GDAP1: variants seen among roughly 807,000 people sequenced by gnomAD.
GDAP1 encodes the protein ganglioside induced differentiation associated protein 1.
GDAP1 carries 34 observed loss-of-function variants against 40.1 expected under a neutral mutation model. That is an observed-to-expected ratio of 0.85 (90% CI 0.64 to 1.13). The LOEUF (loss-of-function observed/expected upper bound fraction) is 1.13, where lower values mean the gene tolerates loss of function less well. Ranked by LOEUF, GDAP1 falls within the 50% of genes most tolerant of loss-of-function variation. The probability of loss-of-function intolerance (pLI) is 0.00; values close to 1 mark genes in which losing one functional copy is unlikely to be tolerated. For missense variants in GDAP1, 374 were observed against 433.7 expected, an observed-to-expected ratio of 0.86 and a Z score of 1.22; for synonymous variants, 170 against 157.4, an observed-to-expected ratio of 1.08 and a Z score of -0.60.
At position 74,403,118 on chromosome 8, in the gene GDAP1, A is replaced by G. The variant is rs1357686650; in HGVS notation, c.165+51797A>G. ...TGATGTTAAAATAAGCTAATTTTAT[A>G]TCTCGCAGTGATGGGAGAGTCATTC... On this transcript the variant is annotated intron_variant, in intron 2 of 2. Coordinates refer to the GDAP1 transcript ENST00000523640. Among the ~76,000 whole-genome samples, 7 of 150,202 alleles carry G rather than the reference A, an allele frequency of 4.7e-5. 1 individual carries two copies. The highest frequency in any genetic ancestry group is 1.8e-4 in the African/African-American group (7 of 39,496).
intron 2 of GDAP1, among the ~76,000 whole-genome samples, chr8:74,379,265 A>G (rs1809911042): frequency 6.6e-6 from 1 of 151,324 alleles, no homozygotes; most frequent in South Asian, 2.1e-4. Flanking sequence ...GGAAGGGCCA[A>G]GTAGAGGCCA....
intron 2 of GDAP1, among the ~76,000 whole-genome samples, chr8:74,469,306 A>G (rs956958858): frequency 6.6e-6 from 1 of 152,080 alleles, no homozygotes; most frequent in Non-Finnish European, 1.5e-5. Context: ...TTCCTTTTTA[A>G]TGCTCTGAAA....
chr8:74,463,640 T>C (rs1806431229), intron 2 of GDAP1, among the ~76,000 whole-genome samples: 1 of 152,118 alleles, frequency 6.6e-6, no homozygotes, highest in African/African-American at 2.4e-5. Context: ...TCTAATTTAA[T>C]AGAAATAAGT....
intron 2 of GDAP1, among the ~76,000 whole-genome samples, chr8:74,393,922 CCT>C (rs1242243469): frequency 6.6e-6 from 1 of 152,052 alleles, no homozygotes; most frequent in African/African-American, 2.4e-5. Context: ...TCTATTTTCC[CCT>C]GTTTTATACC....
chr8:74,463,219 T>TCACGA (rs1806423968), intron 2 of GDAP1, among the ~76,000 whole-genome samples: 1 of 142,018 alleles, frequency 7.0e-6, no homozygotes, highest in African/African-American at 2.7e-5. Flanking sequence ...TGGGAGGCCA[T>TCACGA]GGTAGAAGGA....
At chr8:74,448,925 G>A (rs921934554) in intron 2 of GDAP1, among the ~76,000 whole-genome samples, 22 of 151,974 alleles carry the variant, frequency 1.4e-4, no homozygotes, top group Non-Finnish European at 2.8e-4. Flanking sequence ...CAATTAAAAA[G>A]TGTTCAGTGC....
intron 1 of GDAP1, 117 bp from the exon 2 acceptor site, chr8:74,351,157 G>T: frequency 1.2e-6 from 1 of 815,938 alleles, no homozygotes; most frequent in South Asian, 1.4e-5. Context: ...TTGTTAAAAC[G>T]ACTGTTGAAA....
chr8:74,400,174 T>G (rs1278672486), intron 2 of GDAP1, among the ~76,000 whole-genome samples: 1 of 149,720 alleles, frequency 6.7e-6, no homozygotes, highest in East Asian at 1.9e-4. Flanking sequence ...ATGATTATTG[T>G]GTGGGAGTCT....
intron 2 of GDAP1, among the ~76,000 whole-genome samples, chr8:74,461,660 CAT>C (rs974434545): frequency 1.3e-5 from 2 of 152,218 alleles, no homozygotes; most frequent in African/African-American, 4.8e-5. Flanking sequence ...TCATGTTCCA[CAT>C]GTTTGGCATT....
chr8:74,412,455 G>A (rs546481642), intron 2 of GDAP1, among the ~76,000 whole-genome samples: 10 of 150,064 alleles, frequency 6.7e-5, no homozygotes, highest in South Asian at 2.1e-4. Flanking sequence ...TTTAGGAAGC[G>A]CAGCAAGTGT....
chr8:74,474,007 T>C (rs111485466), intron 2 of GDAP1, among the ~76,000 whole-genome samples: 140 of 152,330 alleles, frequency 9.2e-4, no homozygotes, highest in African/African-American at 3.3e-3. Flanking sequence ...ATTGTAGAGA[T>C]CTTTCACCTC....
rs563162084 is a variant in GDAP1 at position 74,477,490 on chromosome 8, C to T, written c.166-11188C>T. ...TTTTTTTTTTAATTCTATTTGATGA[C>T]CTTGGGGGTTTGTGGTATAAAGTGA... On this transcript the variant is annotated intron_variant, in intron 2 of 2. Coordinates refer to the GDAP1 transcript ENST00000523640. 7.9e-5 allele frequency among the ~76,000 whole-genome samples: 12 copies of T among 151,590 alleles called. 1 individual carries two copies. Among genetic ancestry groups the T allele is most frequent in the African/African-American group, 2.9e-4 (12 of 41,270 alleles).
At chr8:74,374,765 A>G (rs182815664) in intron 2 of GDAP1, among the ~76,000 whole-genome samples, 185 of 152,326 alleles carry the variant, frequency 1.2e-3, no homozygotes, top group African/African-American at 4.3e-3. Context: ...AATTTCTTGA[A>G]AAATACAACT....
At chr8:74,376,295 C>T (rs1346876843) in intron 2 of GDAP1, among the ~76,000 whole-genome samples, 1 of 149,858 alleles carries the variant, frequency 6.7e-6, no homozygotes, top group Admixed American at 6.6e-5. Flanking sequence ...ATGCGAAGGA[C>T]ATAGTAATAG....
Position 74,366,422 on chromosome 8 carries a change from A to T in GDAP1, c.*2055A>T, listed in dbSNP as rs780873355. 1.1e-5 allele frequency: 5 copies of T among 454,206 alleles called. No individual in the cohort carries two copies. In the East Asian group the frequency reaches 2.1e-4, roughly 19 times the overall value. The allele number at this position is 454,206 out of a possible 1,614,324, so 28.1% of individuals were successfully genotyped here. A position where few individuals can be genotyped will look rare whatever the true frequency, so the allele number is the denominator to read the frequency against. On this transcript the variant is annotated 3_prime_UTR_variant, in exon 6 of 6. Transcript: ENST00000220822. ...CTTCATCAGATTATTCTTCTGTTTT[A>T]AAAAAAAGCTTGAGGCAAATGTGAG...
Position 74,419,824 on chromosome 8 carries a change from A to G in GDAP1, c.165+68503A>G, listed in dbSNP as rs74911880. On this transcript the variant is annotated intron_variant, in intron 2 of 2. Coordinates refer to the GDAP1 transcript ENST00000523640. ...TTAGGGCATTGATCTATTTTCAGCT[A>G]ATTTTTATATATGGTGTGATGTAGC... is the stretch of plus-strand genomic sequence containing the variant. Among the ~76,000 whole-genome samples, 614 of 152,218 alleles carry G rather than the reference A, an allele frequency of 4.0e-3. 4 individuals are homozygous for G. The highest frequency in any genetic ancestry group is 0.013 in the African/African-American group (559 of 41,540).
chr8:74,421,016 T>G (rs1339960738), intron 2 of GDAP1, among the ~76,000 whole-genome samples: 1 of 152,052 alleles, frequency 6.6e-6, no homozygotes, highest in Non-Finnish European at 1.5e-5. Context: ...TCTGGGATAA[T>G]CAGAAGAGAT....
intron 2 of GDAP1, among the ~76,000 whole-genome samples, chr8:74,421,151 G>A (rs989084261): frequency 6.6e-6 from 1 of 152,146 alleles, no homozygotes; most frequent in Non-Finnish European, 1.5e-5. Context: ...TTCTCATGGG[G>A]ACAGAAACAT....
intron 2 of GDAP1, among the ~76,000 whole-genome samples, chr8:74,392,049 C>A (rs1308951582): frequency 6.6e-6 from 1 of 152,132 alleles, no homozygotes; most frequent in Admixed American, 6.5e-5. Context: ...GAACTCCCGA[C>A]CTCAGGTGAT....
Sources: allele counts gnomAD v4.1 joint callset (sites outside exome capture counted in the v4.1 genomes callset), GRCh38; gene constraint gnomAD v4.1.1; transcripts MANE v1.5; gene names NCBI Gene and HGNC (gene_info 2026-07-23, HGNC 2026-07-21).